PIK3R5: variants seen among roughly 807,000 people sequenced by gnomAD.
PIK3R5 encodes the protein phosphoinositide 3-kinase regulatory subunit 5.
Under a neutral mutation model 94.9 loss-of-function variants are expected in PIK3R5, and 32 were observed. That is an observed-to-expected ratio of 0.34 (90% CI 0.25 to 0.45). The LOEUF (loss-of-function observed/expected upper bound fraction) is 0.45. Ranked by LOEUF, PIK3R5 falls within the 20% of genes least tolerant of loss-of-function variation. The probability of loss-of-function intolerance (pLI) is 1.00; values close to 1 mark genes in which losing one functional copy is unlikely to be tolerated. For missense variants in PIK3R5, 853 were observed against 1,144.6 expected (o/e 0.75, Z 3.68); for synonymous variants, 443 against 479.4 (o/e 0.92, Z 0.99).
At position 8,893,856 on chromosome 17, in the gene PIK3R5, C is replaced by A; in HGVS notation, c.413-201G>T. 2.1e-6 allele frequency: 1 copy of A among 474,534 alleles called. No homozygotes were observed. The highest frequency in any genetic ancestry group is 3.8e-6 in the Non-Finnish European group (1 of 260,886). The allele number at this position is 474,534 out of a possible 1,614,324, so 29.4% of individuals were successfully genotyped here. Reference sequence around the variant, plus strand: ...ATGCGTCCTTTTACACCTCACGAGTCATATCCCCACCTCCACCTCCAACAC... The same window carrying A: ...ATGCGTCCTTTTACACCTCACGAGTAATATCCCCACCTCCACCTCCAACAC... On this transcript the variant is annotated intron_variant, in intron 5 of 18. Transcript: ENST00000447110. The surrounding 1 kb of genome is among the most constrained non-coding windows in gnomAD (Gnocchi z 5.1).
chr17:8,887,655 T>C lies in PIK3R5; in HGVS notation c.1645A>G (p.Thr549Ala). The change falls in exon 11 of 19, where the codon ACA (threonine) becomes GCA (alanine). Residue 549 changes from threonine (T) to alanine (A), a missense_variant. By Grantham distance (58) the Thr-to-Ala change is moderately conservative. Coordinates refer to ENST00000447110, the MANE Select transcript of PIK3R5 (RefSeq NM_001142633.3). Reference protein sequence around the residue: ...RRLENNRPLLTRFFKLQFFYV... With the variant: ...RRLENNRPLLARFFKLQFFYV... ...AAGAACTGAAGTTTGAAGAACCGTGTGAGGAGTGGGCGATTGTTCTCCAGC... is the reference window on the plus strand; with the variant it reads ...AAGAACTGAAGTTTGAAGAACCGTGCGAGGAGTGGGCGATTGTTCTCCAGC... 1 of 1,605,556 alleles carries C rather than the reference T, an allele frequency of 6.2e-7. No individual in the cohort carries two copies. Among genetic ancestry groups the C allele is most frequent in the Non-Finnish European group, 8.5e-7 (1 of 1,176,066 alleles).
intron 1 of PIK3R5, among the ~76,000 whole-genome samples, chr17:8,942,474 G>GC (rs993839675): frequency 2.6e-5 from 4 of 152,150 alleles, no homozygotes; most frequent in African/African-American, 9.7e-5. Context: ...GCTCTGCTCA[G>GC]CCCCACCAAC....
In PIK3R5 at chr17:8,886,317, G is replaced by A. The variant is rs372862100; in HGVS notation, c.2040C>T (p.Thr680=). The A allele has an allele frequency of 6.2e-7, 1 of 1,612,976 alleles. No homozygotes were observed. The highest frequency in any genetic ancestry group is 1.3e-5 in the African/African-American group (1 of 74,938). ...CTGTCGTCTTCTCCCCAGTGATGAA[G>A]GTCAGCTGGAGAGGGCAGGAGCATG... ...VLLQVYQTEL[T]FITGEKTTEI... The change falls in exon 14 of 19, where the codon ACC becomes ACT. Residue 680 remains threonine (T), a synonymous_variant. Coordinates refer to ENST00000447110, the MANE Select transcript of PIK3R5 (RefSeq NM_001142633.3).
intron 1 of PIK3R5, among the ~76,000 whole-genome samples, chr17:8,915,420 AAAAAAAAAAG>A (rs1221533744): frequency 1.3e-5 from 2 of 151,810 alleles, no homozygotes; most frequent in African/African-American, 4.8e-5. Context: ...TCTCAAAAAA[AAAAAAAAAAG>A]AAAATCTAGA....
intron 14 of PIK3R5, among the ~76,000 whole-genome samples, chr17:8,885,740 A>G (rs1301312728): frequency 5.9e-5 from 1 of 16,816 alleles, no homozygotes. Flanking sequence ...CCGCCCTCCC[A>G]TGGCCCCACC....
chr17:8,915,123 T>G (rs1169435979), intron 1 of PIK3R5, among the ~76,000 whole-genome samples: 1 of 152,186 alleles, frequency 6.6e-6, no homozygotes, highest in African/African-American at 2.4e-5. Flanking sequence ...CTTCAACAAG[T>G]GAAGACTTGA....
chr17:8,942,761 A>G (rs1054729362), intron 1 of PIK3R5, among the ~76,000 whole-genome samples: 5 of 151,864 alleles, frequency 3.3e-5, no homozygotes, highest in Admixed American at 2.6e-4. Context: ...GTCCGCCACC[A>G]CGCCCGGCTA....
chr17:8,930,360 G>T (rs1213235172), intron 1 of PIK3R5, among the ~76,000 whole-genome samples: 2 of 151,960 alleles, frequency 1.3e-5, no homozygotes, highest in African/African-American at 2.4e-5. Context: ...CAAAGAGGAA[G>T]TCTCAAGAGA....
At chr17:8,902,188 G>A (rs934380439) in intron 5 of PIK3R5, among the ~76,000 whole-genome samples, 5 of 147,926 alleles carry the variant, frequency 3.4e-5, no homozygotes, top group Non-Finnish European at 7.4e-5. Context: ...ATTTCCATAA[G>A]TGTATTTGCC....
intron 1 of PIK3R5, among the ~76,000 whole-genome samples, chr17:8,942,305 A>G (rs2091195604): frequency 6.6e-6 from 1 of 152,058 alleles, no homozygotes; most frequent in Admixed American, 6.5e-5. Context: ...GACCCCATCC[A>G]GAAATACACA....
chr17:8,905,001 A>G, intron 4 of PIK3R5, 86 bp from the exon 5 acceptor site: 2 of 1,395,076 alleles, frequency 1.4e-6, no homozygotes, highest in South Asian at 1.2e-5. Flanking sequence ...CCTTTCTGGA[A>G]TATTCCACAA....
At chr17:8,883,973 G>A (rs986700193) in intron 15 of PIK3R5, among the ~76,000 whole-genome samples, 15 of 152,100 alleles carry the variant, frequency 9.9e-5, no homozygotes, top group East Asian at 1.9e-4. Context: ...CAACACCACC[G>A]TCCATCTGCT....
chr17:8,906,694 C>A (rs780005985), intron 3 of PIK3R5, among the ~76,000 whole-genome samples: 12 of 151,994 alleles, frequency 7.9e-5, no homozygotes, highest in African/African-American at 1.2e-4. Context: ...ACCAGCCTGA[C>A]CAACATGGCA....
chr17:8,961,042 C>CGA (rs1567677114), intron 1 of PIK3R5, among the ~76,000 whole-genome samples: 2 of 151,962 alleles, frequency 1.3e-5, no homozygotes, highest in Non-Finnish European at 2.9e-5. Context: ...TGCTATGGTG[C>CGA]GAAGACATAG....
intron 1 of PIK3R5, among the ~76,000 whole-genome samples, chr17:8,938,805 T>A (rs2091122982): frequency 6.6e-6 from 1 of 152,222 alleles, no homozygotes; most frequent in South Asian, 2.1e-4. Context: ...TATTTGTAAT[T>A]TTATTTCTCA....
At chr17:8,943,108 T>C (rs2091215425) in intron 1 of PIK3R5, among the ~76,000 whole-genome samples, 1 of 151,884 alleles carries the variant, frequency 6.6e-6, no homozygotes, top group Admixed American at 6.6e-5. Flanking sequence ...AGGGTCTCGC[T>C]CTGTTGCACA....
intron 1 of PIK3R5, among the ~76,000 whole-genome samples, chr17:8,951,047 T>G (rs2151472113): frequency 6.6e-6 from 1 of 152,336 alleles, no homozygotes. Context: ...TCCCTCATAA[T>G]CAGTGATAAT....
Position 8,889,535 on chromosome 17 carries a change from GA to G in PIK3R5, c.812-314del, listed in dbSNP as rs2089970453. Among the ~76,000 whole-genome samples the G allele has an allele frequency of 6.6e-6, 1 of 152,152 alleles. No homozygotes were observed. Among genetic ancestry groups the G allele is most frequent in the African/African-American group, 2.4e-5 (1 of 41,406 alleles). On this transcript the variant is annotated intron_variant, in intron 8 of 18. Transcript: ENST00000447110. This position sits in a 1 kb window ranked among gnomAD's most constrained non-coding sequence, Gnocchi z 4.1. ...TACTAGCCCAGAAGGTTTTTATGAG[GA>G]ATATTGTAACAGGGAATGCTAATGG...
intron 5 of PIK3R5, among the ~76,000 whole-genome samples, chr17:8,903,478 A>G (rs1054609423): frequency 3.3e-5 from 5 of 150,046 alleles, no homozygotes; most frequent in African/African-American, 7.3e-5. Flanking sequence ...TTCTTTATAT[A>G]TAAATTTATT....
Sources: allele counts gnomAD v4.1 joint callset (sites outside exome capture counted in the v4.1 genomes callset), GRCh38; gene constraint gnomAD v4.1.1; non-coding constraint Gnocchi (gnomAD v3.1); transcripts MANE v1.5; gene names NCBI Gene and HGNC (gene_info 2026-07-23, HGNC 2026-07-21).